The following PARD3 variants were observed in gnomAD, a reference collection of about 807,000 sequenced individuals.
The protein encoded by PARD3 is par-3 family cell polarity regulator, also known as partitioning defective 3 homolog.
In PARD3, 75 loss-of-function variants were observed where a neutral mutation model predicts 155.4. That is an observed-to-expected ratio of 0.48 (90% confidence interval 0.40 to 0.58). PARD3 has a LOEUF of 0.58. PARD3 is among the 20% of genes least tolerant of loss of function. PARD3 has a pLI of 0.00. For synonymous variants in PARD3, 576 were observed against 610.5 expected, an observed-to-expected ratio of 0.94 and a Z score of 0.83; for missense variants, 1,642 against 1,721.7, an observed-to-expected ratio of 0.95 and a Z score of 0.82.
rs550712675 is a variant in PARD3, at chr10:34,632,096, T to C, written c.222+64222A>G. Reference sequence around the variant, plus strand: ...CAACATGGCGAAATTCCATCTCTACTAAAAATACAAAAATTAGCCAGGTGT... The same window carrying C: ...CAACATGGCGAAATTCCATCTCTACCAAAAATACAAAAATTAGCCAGGTGT... On this transcript the variant is annotated intron_variant, in intron 2 of 24. Coordinates refer to ENST00000374788, the MANE Select transcript of PARD3 (RefSeq NM_001184785.2). Among the ~76,000 whole-genome samples the C allele has an allele frequency of 5.9e-5, 9 of 152,240 alleles. No homozygotes were observed. The South Asian group carries it at 1.9e-3, about 32-fold the overall frequency.
chr10:34,706,527 G>A (rs896219425), intron 1 of PARD3, among the ~76,000 whole-genome samples: 2 of 152,056 alleles, frequency 1.3e-5, no homozygotes, highest in African/African-American at 4.8e-5. Flanking sequence ...CAGATTGCTT[G>A]AGTTCAGAGG....
intron 2 of PARD3, among the ~76,000 whole-genome samples, chr10:34,606,804 T>C (rs376774252): frequency 1.3e-5 from 2 of 151,220 alleles, no homozygotes; most frequent in African/African-American, 4.9e-5. Flanking sequence ...CCATCTCTAC[T>C]AAAAATACAA....
chr10:34,673,348 T>C (rs2093642305), intron 2 of PARD3, among the ~76,000 whole-genome samples: 2 of 152,236 alleles, frequency 1.3e-5, no homozygotes, highest in Admixed American at 6.5e-5. Context: ...TCTTGAGTAC[T>C]GTGATATGCA....
At chr10:34,248,162 G>A (rs541958348) in intron 22 of PARD3, among the ~76,000 whole-genome samples, 1 of 152,246 alleles carries the variant, frequency 6.6e-6, no homozygotes, top group Admixed American at 6.5e-5. Flanking sequence ...ATCAATTCAA[G>A]ATAAAACATT....
intron 22 of PARD3, among the ~76,000 whole-genome samples, chr10:34,221,226 C>T (rs981081372): frequency 3.3e-5 from 5 of 152,100 alleles, no homozygotes; most frequent in African/African-American, 9.7e-5. Flanking sequence ...AGAGGCCATC[C>T]GGTGATGTGC....
rs529779328 is a variant in PARD3 at position 34,310,287 on chromosome 10, A to G, written c.3065+6820T>C. On this transcript the variant is annotated intron_variant, in intron 20 of 24. Transcript: ENST00000374788. ...GCTTGTCTTCTAAGTGCATTTTTCAATGGTGCGATAGTATTTATTTACCCT... is the reference window on the plus strand; with the variant it reads ...GCTTGTCTTCTAAGTGCATTTTTCAGTGGTGCGATAGTATTTATTTACCCT... 6.6e-5 allele frequency among the ~76,000 whole-genome samples: 10 copies of G among 152,304 alleles called. No homozygotes were observed. The South Asian group carries it at 2.1e-3, about 32-fold the overall frequency.
intron 22 of PARD3, among the ~76,000 whole-genome samples, chr10:34,251,463 C>G (rs1422720826): frequency 1.3e-5 from 2 of 152,086 alleles, no homozygotes; most frequent in Admixed American, 1.3e-4. Flanking sequence ...CACAAAAAAA[C>G]CCCAGTGAGG....
chr10:34,659,932 GTTAT>G (rs2093279144), intron 2 of PARD3, among the ~76,000 whole-genome samples: 1 of 152,044 alleles, frequency 6.6e-6, no homozygotes, highest in Non-Finnish European at 1.5e-5. Context: ...CCATTCAAAG[GTTAT>G]TTACATTAGC....
At chr10:34,697,054 A>C (rs866660665) in intron 1 of PARD3, among the ~76,000 whole-genome samples, 25 of 145,292 alleles carry the variant, frequency 1.7e-4, no homozygotes, top group Non-Finnish European at 2.7e-4. Context: ...ACACACACAC[A>C]CCCCCCTCAA....
At chr10:34,656,228 T>C (rs904212634) in intron 2 of PARD3, among the ~76,000 whole-genome samples, 1 of 152,224 alleles carries the variant, frequency 6.6e-6, no homozygotes, top group Non-Finnish European at 1.5e-5. Context: ...TATTGTATTC[T>C]ACTTTTAACC....
intron 2 of PARD3, among the ~76,000 whole-genome samples, chr10:34,535,061 T>C (rs1461162275): frequency 6.6e-6 from 1 of 152,188 alleles, no homozygotes; most frequent in Non-Finnish European, 1.5e-5. Context: ...ATTGTAGTCC[T>C]GAGCAGGATA....
At chr10:34,139,010 CTCAG>C (rs1453406747) in intron 22 of PARD3, among the ~76,000 whole-genome samples, 1 of 151,696 alleles carries the variant, frequency 6.6e-6, no homozygotes, top group African/African-American at 2.4e-5. Context: ...ATTTCTATCA[CTCAG>C]ACAGTTTTCC....
intron 7 of PARD3, among the ~76,000 whole-genome samples, chr10:34,395,475 C>G (rs1843227015): frequency 6.6e-6 from 1 of 151,938 alleles, no homozygotes; most frequent in Admixed American, 6.6e-5. Flanking sequence ...GTAATGAAAC[C>G]GTGAACGAAT....
chr10:34,504,543 A>G lies in PARD3; in HGVS notation c.403+12436T>C, dbSNP rs190236539. The stretch of plus-strand genomic sequence containing the variant: ...TATAAATAAATTGAGTAAACACAAA[A>G]TAACACCATGAATTAATAAACTGAT... On this transcript the variant is annotated intron_variant, in intron 3 of 24. Transcript: ENST00000374788. Among the ~76,000 whole-genome samples, 79 of 152,374 alleles carry G rather than the reference A, an allele frequency of 5.2e-4. 3 individuals carry two copies. The highest frequency in any genetic ancestry group is 5.2e-3 in the Admixed American group (79 of 15,300).
intron 22 of PARD3, 98 bp from the exon 23 acceptor site, chr10:34,131,681 C>A: frequency 1.0e-6 from 1 of 1,002,442 alleles, no homozygotes; most frequent in Admixed American, 2.2e-5. Flanking sequence ...GAAATGACGC[C>A]ATTTAAGAGA....
At chr10:34,467,990 C>A (rs1422991908) in intron 4 of PARD3, among the ~76,000 whole-genome samples, 1 of 152,134 alleles carries the variant, frequency 6.6e-6, no homozygotes, top group Non-Finnish European at 1.5e-5. Context: ...TTTTCCTGGG[C>A]TGTGATGACT....
Position 34,604,477 on chromosome 10 carries a change from G to A in PARD3, c.223-87318C>T, listed in dbSNP as rs1237034308. On this transcript the variant is annotated intron_variant, in intron 2 of 24. Coordinates refer to ENST00000374788, the MANE Select transcript of PARD3 (RefSeq NM_001184785.2). ...ATCAGACTCCAAGATCTTCCGTTTTGGGACTCTGGCTCTCCTTGCTCCTCA... is the reference window on the plus strand; with the variant it reads ...ATCAGACTCCAAGATCTTCCGTTTTAGGACTCTGGCTCTCCTTGCTCCTCA... Among the ~76,000 whole-genome samples the A allele has an allele frequency of 2.6e-5, 4 of 151,720 alleles. No homozygotes were observed. In the East Asian group the frequency reaches 5.8e-4, roughly 22 times the overall value.
At chr10:34,707,357 G>T (rs1335641946) in intron 1 of PARD3, among the ~76,000 whole-genome samples, 1 of 152,148 alleles carries the variant, frequency 6.6e-6, no homozygotes, top group African/African-American at 2.4e-5. Context: ...ATTTAAAGTG[G>T]TGGTTCTCCA....
intron 22 of PARD3, among the ~76,000 whole-genome samples, chr10:34,260,186 A>T (rs1216411342): frequency 6.6e-6 from 1 of 151,926 alleles, no homozygotes; most frequent in Non-Finnish European, 1.5e-5. Context: ...TGTTGCCCAA[A>T]GTGGCCTCAA....
Sources: allele counts gnomAD v4.1 joint callset (sites outside exome capture counted in the v4.1 genomes callset), GRCh38; gene constraint gnomAD v4.1.1; transcripts MANE v1.5; gene names NCBI Gene and HGNC (gene_info 2026-07-23, HGNC 2026-07-21).